PDE4D: variants seen among roughly 807,000 people sequenced by gnomAD.
The protein encoded by PDE4D is 3',5'-cyclic-AMP phosphodiesterase 4D.
Under a neutral mutation model 87.4 loss-of-function variants are expected in PDE4D, and 24 were observed. That is an observed-to-expected ratio of 0.27 (90% CI 0.20 to 0.39). The LOEUF (loss-of-function observed/expected upper bound fraction) is 0.39, where lower values mean the gene tolerates loss of function less well. Ranked by LOEUF, PDE4D falls within the 10% of genes least tolerant of loss-of-function variation. PDE4D has a pLI of 1.00. For synonymous variants in PDE4D, 384 were observed against 383.2 expected (o/e 1.00, Z -0.02); for missense variants, 714 against 1,041.0 (o/e 0.69, Z 4.32).
At chr5:59,889,547 C>T (rs984337104) in intron 1 of PDE4D, among the ~76,000 whole-genome samples, 1 of 151,914 alleles carries the variant, frequency 6.6e-6, no homozygotes, top group African/African-American at 2.4e-5. Flanking sequence ...ATCAAATGTC[C>T]CCTTCTGGAT....
chr5:59,038,888 G>A lies in PDE4D; in HGVS notation c.892C>T (p.His298Tyr). The A allele has an allele frequency of 1.3e-6, 2 of 1,589,418 alleles. No homozygotes were observed. Among genetic ancestry groups the A allele is most frequent in the South Asian group, 1.1e-5 (1 of 87,610 alleles). The change falls in exon 6 of 15, where the codon CAC becomes TAC. Residue 298 changes from histidine to tyrosine, a missense_variant. His to Tyr is a moderately conservative substitution (Grantham distance 83). Transcript: ENST00000340635. ...LDQLETLQTR[H>Y]SVSEMASNKF... Reference sequence around the variant, plus strand: ...TTGGAGGCCATCTCACTGACGGAGTGCCTGGTCTGTAGGGTCTCTAGCTGG... The same window carrying A: ...TTGGAGGCCATCTCACTGACGGAGTACCTGGTCTGTAGGGTCTCTAGCTGG...
chr5:59,919,190 G>C (rs1422257309), intron 3 of PDE4D, among the ~76,000 whole-genome samples: 1 of 152,134 alleles, frequency 6.6e-6, no homozygotes, highest in Non-Finnish European at 1.5e-5. Context: ...CCCCAAGCAG[G>C]TTGGTAACGT....
chr5:59,679,192 A>G (rs1748617676), intron 1 of PDE4D, among the ~76,000 whole-genome samples: 1 of 152,208 alleles, frequency 6.6e-6, no homozygotes, highest in African/African-American at 2.4e-5. Context: ...CTCTGCAATC[A>G]GGAAGGAACA....
At chr5:59,775,977 G>T (rs771897040) in intron 1 of PDE4D, among the ~76,000 whole-genome samples, 11 of 151,784 alleles carry the variant, frequency 7.2e-5, no homozygotes, top group Admixed American at 6.6e-5. Flanking sequence ...TTTTGAATAT[G>T]GTTTCTATGA....
intron 1 of PDE4D, among the ~76,000 whole-genome samples, chr5:59,509,423 C>CA (rs11324683): frequency 0.012 from 1,496 of 122,066 alleles, 10 homozygotes; most frequent in Non-Finnish European, 0.015. Flanking sequence ...GTCTCAGATG[C>CA]AAAAAAAAAA....
chr5:59,182,674 T>A (rs1046094128), intron 4 of PDE4D, among the ~76,000 whole-genome samples: 4 of 152,108 alleles, frequency 2.6e-5, no homozygotes, highest in Admixed American at 1.3e-4. Context: ...CCTTTTACTA[T>A]CAATCCTACA....
chr5:59,167,728 T>A (rs1472110776), intron 5 of PDE4D, among the ~76,000 whole-genome samples: 8 of 152,196 alleles, frequency 5.3e-5, no homozygotes, highest in Non-Finnish European at 1.2e-4. Context: ...TGTTTTCTAT[T>A]AACTTAATGC....
chr5:60,121,360 A>G (rs900883352), intron 2 of PDE4D, among the ~76,000 whole-genome samples: 1 of 152,090 alleles, frequency 6.6e-6, no homozygotes, highest in African/African-American at 2.4e-5. Flanking sequence ...AACTCATAGA[A>G]TAACCTTGTA....
intron 2 of PDE4D, among the ~76,000 whole-genome samples, chr5:60,132,751 G>A (rs1229200295): frequency 1.3e-5 from 2 of 152,164 alleles, no homozygotes; most frequent in South Asian, 2.1e-4. Flanking sequence ...ACTCAAGTAG[G>A]GAGGCTGAGG....
At chr5:59,896,578 G>A (rs911227103), upstream of PDE4D, among the ~76,000 whole-genome samples, 4 of 152,128 alleles carry the variant, frequency 2.6e-5, no homozygotes, top group Non-Finnish European at 2.9e-5. Context: ...AATAAAATCA[G>A]TATTTCTAGG....
At chr5:59,171,210 T>G (rs1393000667) in intron 5 of PDE4D, among the ~76,000 whole-genome samples, 1 of 152,082 alleles carries the variant, frequency 6.6e-6, no homozygotes, top group Non-Finnish European at 1.5e-5. Context: ...TTGTTCATCC[T>G]CAGTCTCTGC....
chr5:60,180,046 C>T (rs759231475), intron 2 of PDE4D, among the ~76,000 whole-genome samples: 2 of 152,066 alleles, frequency 1.3e-5, no homozygotes, highest in African/African-American at 2.4e-5. Context: ...ATTTCTTGGA[C>T]GTAATCATTT....
intron 2 of PDE4D, among the ~76,000 whole-genome samples, chr5:60,008,147 G>C (rs1000743853): frequency 4.0e-5 from 6 of 151,886 alleles, no homozygotes; most frequent in African/African-American, 1.4e-4. Context: ...GGGTCTAATT[G>C]CTCTGCCCTA....
At chr5:59,847,884 G>A (rs1744097371) in intron 1 of PDE4D, among the ~76,000 whole-genome samples, 1 of 152,062 alleles carries the variant, frequency 6.6e-6, no homozygotes, top group South Asian at 2.1e-4. Flanking sequence ...TCTCAGCACA[G>A]CTTTTTTACT....
At chr5:59,679,188 A>T (rs1748616689) in intron 1 of PDE4D, among the ~76,000 whole-genome samples, 1 of 152,216 alleles carries the variant, frequency 6.6e-6, no homozygotes, top group Non-Finnish European at 1.5e-5. Context: ...ATAACTCTGC[A>T]ATCAGGAAGG....
At chr5:59,936,600 T>C (rs1173341411) in intron 3 of PDE4D, among the ~76,000 whole-genome samples, 1 of 152,220 alleles carries the variant, frequency 6.6e-6, no homozygotes, top group African/African-American at 2.4e-5. Flanking sequence ...GTTCTGAGAC[T>C]GGATTTTAGT....
At chr5:59,444,064 G>A (rs73758700) in intron 1 of PDE4D, among the ~76,000 whole-genome samples, 2,746 of 152,230 alleles carry the variant, frequency 0.018, 98 homozygotes, top group African/African-American at 0.061. Context: ...GTGCTTTTCT[G>A]CAACGACACG....
At chr5:59,300,829 T>C (rs1440461493) in intron 1 of PDE4D, among the ~76,000 whole-genome samples, 1 of 152,158 alleles carries the variant, frequency 6.6e-6, no homozygotes, top group Non-Finnish European at 1.5e-5. Flanking sequence ...TGTGGGCCTC[T>C]GGAGCTTCTA....
intron 1 of PDE4D, among the ~76,000 whole-genome samples, chr5:60,482,755 T>A (rs1748830987): frequency 1.3e-5 from 2 of 152,230 alleles, no homozygotes; most frequent in South Asian, 4.1e-4. Context: ...TAAGGATATC[T>A]AAAGCTCTGG....
Sources: gnomAD v4.1 joint callset for allele counts (sites outside exome capture counted in the v4.1 genomes callset) on GRCh38, gnomAD v4.1.1 for gene constraint, MANE v1.5 for transcripts, NCBI Gene and HGNC (gene_info 2026-07-23, HGNC 2026-07-21) for gene names.